Variants in MAP6 observed in about 807,000 individuals in gnomAD.
The protein encoded by MAP6 is microtubule associated protein 6.
A neutral mutation model predicts 42.4 loss-of-function variants in MAP6; 26 were observed. The ratio of observed to expected loss-of-function variants is 0.61; its 90% CI spans 0.45 to 0.85. MAP6 has a LOEUF of 0.85. Ranked by LOEUF, MAP6 falls within the 40% of genes least tolerant of loss-of-function variation. MAP6 has a pLI of 0.00. For missense variants in MAP6, 966 were observed against 1,099.0 expected, an observed-to-expected ratio of 0.88 and a Z score of 1.71; for synonymous variants, 418 against 443.8, an observed-to-expected ratio of 0.94 and a Z score of 0.73.
chr11:75,634,336 G>A (rs866689243), intron 1 of MAP6, among the ~76,000 whole-genome samples: 1 of 152,212 alleles, frequency 6.6e-6, no homozygotes, highest in Non-Finnish European at 1.5e-5. Flanking sequence ...GAGTGCCAGG[G>A]CGTGATCTTG....
intron 1 of MAP6, among the ~76,000 whole-genome samples, chr11:75,661,733 T>G (rs1275000685): frequency 1.3e-5 from 2 of 152,074 alleles, no homozygotes; most frequent in African/African-American, 2.4e-5. Flanking sequence ...TACTTAATGA[T>G]AAAACTTTAG....
At position 75,668,452 on chromosome 11, in the gene MAP6, T is replaced by C. The variant is rs1944004853; in HGVS notation, c.-83A>G. 2 of 1,440,338 alleles carry C rather than the reference T, an allele frequency of 1.4e-6. No homozygotes were observed. Among genetic ancestry groups the C allele is most frequent in the Admixed American group, 2.2e-5 (1 of 45,186 alleles). The allele number at this position is 1,440,338 out of a possible 1,614,324, so 89.2% of individuals were successfully genotyped here. ...ATAATCTTCCTTCAGCCTCCGATCCTGACCGGCCAATGTGGTTCCCACCGT... is the reference window on the plus strand; with the variant it reads ...ATAATCTTCCTTCAGCCTCCGATCCCGACCGGCCAATGTGGTTCCCACCGT... On this transcript the variant is annotated 5_prime_UTR_variant, in exon 1 of 4. Coordinates refer to ENST00000304771, the MANE Select transcript of MAP6 (RefSeq NM_033063.2).
chr11:75,627,655 T>C (rs1442640783), intron 1 of MAP6, among the ~76,000 whole-genome samples: 1 of 152,158 alleles, frequency 6.6e-6, no homozygotes, highest in Non-Finnish European at 1.5e-5. Context: ...AGAAACTGTA[T>C]GAGGCACACT....
intron 1 of MAP6, among the ~76,000 whole-genome samples, chr11:75,663,528 G>GA (rs1043100276): frequency 3.3e-5 from 5 of 152,292 alleles, no homozygotes; most frequent in African/African-American, 1.2e-4. Flanking sequence ...GGTACAGAGT[G>GA]AACAAAATAC....
At chr11:75,622,040 A>G (rs1943120685) in intron 1 of MAP6, among the ~76,000 whole-genome samples, 1 of 151,988 alleles carries the variant, frequency 6.6e-6, no homozygotes, top group South Asian at 2.1e-4. Context: ...CCAAAAAAAC[A>G]AAACAACAAC....
chr11:75,632,873 T>C (rs1943306290), intron 1 of MAP6, among the ~76,000 whole-genome samples: 1 of 152,196 alleles, frequency 6.6e-6, no homozygotes, highest in Non-Finnish European at 1.5e-5. Flanking sequence ...GGAAAAAAAT[T>C]AGATGGAGAG....
In MAP6 at chr11:75,651,101, G is replaced by A. The variant is rs533616638; in HGVS notation, c.905+16364C>T. Among the ~76,000 whole-genome samples, 10 of 152,138 alleles carry A rather than the reference G, an allele frequency of 6.6e-5. No homozygotes were observed. The South Asian group carries it at 2.1e-3, about 32-fold the overall frequency. On this transcript the variant is annotated intron_variant, in intron 1 of 3. Coordinates refer to ENST00000304771, the MANE Select transcript of MAP6 (RefSeq NM_033063.2). ...TAAATCAGCATGTCCCAATCCCTGGGGATATGACCCCAATCTGGGGATATG... is the reference window on the plus strand; with the variant it reads ...TAAATCAGCATGTCCCAATCCCTGGAGATATGACCCCAATCTGGGGATATG...
chr11:75,611,107 C>T (rs1942889082), intron 1 of MAP6, among the ~76,000 whole-genome samples: 1 of 152,212 alleles, frequency 6.6e-6, no homozygotes, highest in South Asian at 2.1e-4. Flanking sequence ...GCTGTGGCCA[C>T]CGTTACCTGC....
intron 1 of MAP6, among the ~76,000 whole-genome samples, chr11:75,641,007 A>G (rs1223438436): frequency 1.3e-5 from 2 of 152,068 alleles, no homozygotes; most frequent in Non-Finnish European, 2.9e-5. Context: ...GGATTATAAA[A>G]CATGCTGCTA....
At chr11:75,635,037 T>C (rs1418885924) in intron 1 of MAP6, among the ~76,000 whole-genome samples, 2 of 152,208 alleles carry the variant, frequency 1.3e-5, no homozygotes, top group Admixed American at 1.3e-4. Flanking sequence ...TTGATAATAA[T>C]GATCTCTGTG....
At chr11:75,624,135 C>G (rs1201415144) in intron 1 of MAP6, among the ~76,000 whole-genome samples, 1 of 152,200 alleles carries the variant, frequency 6.6e-6, no homozygotes. Context: ...AGCTTTTCAG[C>G]AACCTGCTAA....
rs1312206191 is a variant in MAP6 at position 75,587,278 on chromosome 11, T to C, written c.2223A>G (p.Ile741Met). The change falls in exon 4 of 4, where the codon ATA (isoleucine) becomes ATG (methionine). Residue 741 changes from isoleucine to methionine, a missense_variant. This residue lies in a region of MAP6 where 943 missense variants were observed against 1,049.9 expected (regional missense o/e 0.90). Coordinates refer to ENST00000304771, the MANE Select transcript of MAP6 (RefSeq NM_033063.2). ...VLQPPKNQGR[I>M]VPEPLKNQVP... ...CTTGATTCTTCAGAGGTTCAGGGAC[T>C]ATACGACCTTGATTCTTTGGAGGCT... The C allele has an allele frequency of 6.2e-7, 1 of 1,614,176 alleles. No individual in the cohort carries two copies.
chr11:75,657,072 C>T (rs1420533976), intron 1 of MAP6, among the ~76,000 whole-genome samples: 1 of 151,818 alleles, frequency 6.6e-6, no homozygotes, highest in African/African-American at 2.4e-5. Flanking sequence ...TCAATTTTCT[C>T]ATCCACTAGG....
chr11:75,660,503 C>G (rs185179340), intron 1 of MAP6, among the ~76,000 whole-genome samples: 2 of 152,288 alleles, frequency 1.3e-5, no homozygotes, highest in African/African-American at 4.8e-5. Context: ...ACCAGAAACA[C>G]AAGGGTCATC....
intron 3 of MAP6, chr11:75,602,932 A>G (rs1942690658): frequency 1.0e-6 from 1 of 985,696 alleles, no homozygotes; most frequent in Non-Finnish European, 1.2e-6. Context: ...GCAAGCACAG[A>G]CCACAAGCAC....
intron 1 of MAP6, among the ~76,000 whole-genome samples, chr11:75,641,981 C>T (rs1286000199): frequency 6.6e-6 from 1 of 152,118 alleles, no homozygotes. Context: ...TTTTATGAGC[C>T]AGTTATTAAG....
chr11:75,638,901 T>C (rs187753097), intron 1 of MAP6, among the ~76,000 whole-genome samples: 74 of 152,372 alleles, frequency 4.9e-4, no homozygotes, highest in African/African-American at 1.7e-3. Context: ...AGAATCAATC[T>C]GTGTCCATCA....
At position 75,593,766 on chromosome 11, in the gene MAP6, G is replaced by T. The variant is rs2135573645; in HGVS notation, c.1317-5582C>A. On this transcript the variant is annotated intron_variant, in intron 3 of 3. Transcript: ENST00000304771. Reference sequence around the variant, plus strand: ...AAGAAAGACACTGAGCAATAACTATGGGCCAGGCTTGGTGCCAGACGTTTT... The same window carrying T: ...AAGAAAGACACTGAGCAATAACTATTGGCCAGGCTTGGTGCCAGACGTTTT... Among the ~76,000 whole-genome samples, 3 of 152,340 alleles carry T rather than the reference G, an allele frequency of 2.0e-5. No individual in the cohort carries two copies. In the East Asian group the frequency reaches 5.8e-4, roughly 29 times the overall value.
intron 1 of MAP6, among the ~76,000 whole-genome samples, chr11:75,636,451 G>A (rs576605501): frequency 6.6e-6 from 1 of 152,162 alleles, no homozygotes; most frequent in East Asian, 1.9e-4. Context: ...CTGTATTAAG[G>A]GCATCTTTTT....
Sources: gnomAD v4.1 joint callset for allele counts (sites outside exome capture counted in the v4.1 genomes callset) on GRCh38, gnomAD v4.1.1 for gene constraint, gnomAD v4.1.1 regional missense constraint, MANE v1.5 for transcripts, NCBI Gene and HGNC (gene_info 2026-07-23, HGNC 2026-07-21) for gene names.